MDGA2: variants seen among roughly 807,000 people sequenced by gnomAD.
The protein encoded by MDGA2 is MAM domain-containing glycosylphosphatidylinositol anchor protein 2.
MDGA2 carries 40 observed loss-of-function variants against 117.8 expected under a neutral mutation model. That is an observed-to-expected ratio of 0.34 (90% CI 0.26 to 0.44). The LOEUF (loss-of-function observed/expected upper bound fraction) is 0.44, where lower values mean the gene tolerates loss of function less well. Ranked by LOEUF, MDGA2 falls within the 20% of genes least tolerant of loss-of-function variation. The pLI, the probability that MDGA2 is intolerant of heterozygous loss-of-function variation, is 1.00. For synonymous variants in MDGA2, 452 were observed against 439.0 expected (o/e 1.03, Z -0.37); for missense variants, 1,123 against 1,250.6 (o/e 0.90, Z 1.54).
intron 8 of MDGA2, among the ~76,000 whole-genome samples, chr14:46,962,192 G>A (rs961693380): frequency 1.3e-4 from 20 of 152,126 alleles, no homozygotes; most frequent in Admixed American, 7.2e-4. Context: ...ACTTGAGGCT[G>A]ATTTGAATTA....
At chr14:46,886,979 A>G (rs1229311297) in intron 10 of MDGA2, among the ~76,000 whole-genome samples, 2 of 152,062 alleles carry the variant, frequency 1.3e-5, no homozygotes, top group South Asian at 2.1e-4. Context: ...TTATGGTTCA[A>G]TGAGATCTAA....
intron 1 of MDGA2, among the ~76,000 whole-genome samples, chr14:47,397,208 T>G (rs1288863818): frequency 6.6e-6 from 1 of 152,150 alleles, no homozygotes; most frequent in Non-Finnish European, 1.5e-5. Context: ...GAAACCATCA[T>G]TCTGAGCAAA....
At chr14:47,528,953 A>T (rs984326055) in intron 1 of MDGA2, among the ~76,000 whole-genome samples, 3 of 151,932 alleles carry the variant, frequency 2.0e-5, no homozygotes, top group African/African-American at 7.2e-5. Context: ...TAGGAAAGGG[A>T]CATAGATCAT....
chr14:47,374,444 T>G (rs1224476030), intron 1 of MDGA2, among the ~76,000 whole-genome samples: 2 of 152,134 alleles, frequency 1.3e-5, no homozygotes, highest in Admixed American at 6.6e-5. Flanking sequence ...TATTAATATC[T>G]CAATTTTAAA....
chr14:46,894,429 C>T (rs1307149269), intron 10 of MDGA2, among the ~76,000 whole-genome samples: 1 of 151,670 alleles, frequency 6.6e-6, no homozygotes, highest in Non-Finnish European at 1.5e-5. Context: ...TTTTTTTTCA[C>T]CATTGGGAAG....
At chr14:46,961,442 CTTAA>C (rs1885803668) in intron 8 of MDGA2, among the ~76,000 whole-genome samples, 1 of 152,024 alleles carries the variant, frequency 6.6e-6, no homozygotes, top group South Asian at 2.1e-4. Context: ...TAATTCAGTT[CTTAA>C]TTCTTTCTCC....
chr14:46,897,580 T>C (rs1444077719), intron 10 of MDGA2, among the ~76,000 whole-genome samples: 1 of 127,910 alleles, frequency 7.8e-6, no homozygotes, highest in East Asian at 2.3e-4. Context: ...GTCTAACCTA[T>C]ACCTGCCTCA....
intron 7 of MDGA2, among the ~76,000 whole-genome samples, chr14:47,055,186 A>T (rs1315208437): frequency 2.0e-5 from 3 of 151,930 alleles, no homozygotes. Context: ...ATTGATTGTT[A>T]AGCCTTAAGA....
At chr14:47,552,755 T>A (rs753679210) in intron 1 of MDGA2, among the ~76,000 whole-genome samples, 1 of 152,022 alleles carries the variant, frequency 6.6e-6, no homozygotes, top group Non-Finnish European at 1.5e-5. Flanking sequence ...AAAGTAATAG[T>A]CAAATTTTTT....
chr14:47,283,797 T>C lies in MDGA2; in HGVS notation c.420+17614A>G, dbSNP rs538571263. 1.1e-4 allele frequency among the ~76,000 whole-genome samples: 16 copies of C among 152,316 alleles called. No homozygotes were observed. In the South Asian group the frequency reaches 2.3e-3, roughly 22 times the overall value. ...CCAGCTTTCCTTTCTATAGTCGTTTTAATAAATAAACAGCAAGACAGTGGA... is the reference window on the plus strand; with the variant it reads ...CCAGCTTTCCTTTCTATAGTCGTTTCAATAAATAAACAGCAAGACAGTGGA... On this transcript the variant is annotated intron_variant, in intron 2 of 16. Coordinates refer to ENST00000399232, the MANE Select transcript of MDGA2 (RefSeq NM_001113498.3).
chr14:47,377,117 A>T (rs1467679328), intron 1 of MDGA2, among the ~76,000 whole-genome samples: 1 of 152,182 alleles, frequency 6.6e-6, no homozygotes, highest in Non-Finnish European at 1.5e-5. Flanking sequence ...ACTTAGAATG[A>T]GATGATATAT....
chr14:47,580,957 G>A (rs1386188218), intron 1 of MDGA2, among the ~76,000 whole-genome samples: 1 of 151,976 alleles, frequency 6.6e-6, no homozygotes, highest in Non-Finnish European at 1.5e-5. Flanking sequence ...AAAGAAAAAT[G>A]ATTGCTAATA....
At chr14:47,515,979 A>G (rs1894742821) in intron 1 of MDGA2, among the ~76,000 whole-genome samples, 1 of 152,188 alleles carries the variant, frequency 6.6e-6, no homozygotes, top group South Asian at 2.1e-4. Flanking sequence ...TTCCACTGTC[A>G]GGAAATTATA....
intron 5 of MDGA2, among the ~76,000 whole-genome samples, chr14:47,114,777 G>A (rs769140819): frequency 2.0e-5 from 3 of 151,866 alleles, no homozygotes; most frequent in Non-Finnish European, 4.4e-5. Flanking sequence ...AACTTAAGAC[G>A]GATTAAAGAC....
At chr14:46,845,699 AAATGTTAATTTAATAGT>A in intron 16 of MDGA2, 50 bp downstream of exon 16, 1 of 953,176 alleles carries the variant, frequency 1.0e-6, no homozygotes, top group Middle Eastern at 2.2e-4. Context: ...TAATTAAATT[AAATGTTAATTTAATAGT>A]AATGTTACTT....
At chr14:47,609,772 G>T (rs531100336) in intron 1 of MDGA2, among the ~76,000 whole-genome samples, 2 of 151,682 alleles carry the variant, frequency 1.3e-5, no homozygotes, top group East Asian at 4.0e-4. Flanking sequence ...ATTCACAGCA[G>T]AATTCTACCA....
At chr14:47,221,473 G>C (rs1594734418) in intron 2 of MDGA2, among the ~76,000 whole-genome samples, 1 of 152,166 alleles carries the variant, frequency 6.6e-6, no homozygotes, top group Admixed American at 6.5e-5. Context: ...CGGATCACGA[G>C]GTCAGGAGAT....
At chr14:46,945,939 A>G (rs1885157564) in intron 9 of MDGA2, among the ~76,000 whole-genome samples, 1 of 152,146 alleles carries the variant, frequency 6.6e-6, no homozygotes, top group African/African-American at 2.4e-5. Flanking sequence ...TAAGGAAGAC[A>G]TGAGTTGTAT....
chr14:46,898,270 T>A (rs1444964156), intron 10 of MDGA2, among the ~76,000 whole-genome samples: 2 of 152,080 alleles, frequency 1.3e-5, no homozygotes, highest in Non-Finnish European at 1.5e-5. Context: ...ATTTCTCTGG[T>A]AAGAAATTGA....
Sources: gnomAD v4.1 joint callset for allele counts (sites outside exome capture counted in the v4.1 genomes callset) on GRCh38, gnomAD v4.1.1 for gene constraint, MANE v1.5 for transcripts, NCBI Gene and HGNC (gene_info 2026-07-23, HGNC 2026-07-21) for gene names.